Variants in THSD7B observed in about 807,000 individuals in gnomAD.
THSD7B encodes the protein thrombospondin type-1 domain-containing protein 7B.
Under a neutral mutation model 213.6 loss-of-function variants are expected in THSD7B, and 138 were observed. The observed-to-expected ratio is 0.65, with a 90% confidence interval of 0.56 to 0.74. The LOEUF is 0.74. Ranked by LOEUF, THSD7B falls within the 30% of genes least tolerant of loss-of-function variation. The pLI is 0.00. For synonymous variants in THSD7B, 742 were observed against 687.0 expected (o/e 1.08, Z -1.25); for missense variants, 1,931 against 1,991.5 (o/e 0.97, Z 0.58).
intron 14 of THSD7B, among the ~76,000 whole-genome samples, chr2:137,439,356 A>G (rs1687353623): frequency 6.6e-6 from 1 of 152,006 alleles, no homozygotes; most frequent in Non-Finnish European, 1.5e-5. Context: ...GTCTCTTGAG[A>G]CTTCTATTAG....
intron 2 of THSD7B, among the ~76,000 whole-genome samples, chr2:137,046,581 T>G (rs756822945): frequency 3.3e-5 from 5 of 151,792 alleles, no homozygotes; most frequent in Non-Finnish European, 7.4e-5. Context: ...AATACAAAAA[T>G]TAGCTGGGCA....
intron 15 of THSD7B, among the ~76,000 whole-genome samples, chr2:137,515,899 T>C: frequency 6.6e-6 from 1 of 152,160 alleles, no homozygotes; most frequent in East Asian, 1.9e-4. Flanking sequence ...GTCCAGAAGA[T>C]ATATCCTTGA....
chr2:137,405,516 G>C (rs1165103731), intron 12 of THSD7B, 97 bp from the exon 13 acceptor site: 2 of 1,224,994 alleles, frequency 1.6e-6, no homozygotes, highest in Admixed American at 2.9e-5. Flanking sequence ...TGAAGCCCAA[G>C]TTTTTAAACA....
chr2:137,288,309 G>A (rs375359490), intron 12 of THSD7B, among the ~76,000 whole-genome samples: 1 of 151,980 alleles, frequency 6.6e-6, no homozygotes, highest in Admixed American at 6.6e-5. Context: ...AAATTTACAT[G>A]GTGAGAAAAA....
chr2:137,670,843 C>T (rs890010389), intron 27 of THSD7B, among the ~76,000 whole-genome samples: 4 of 146,054 alleles, frequency 2.7e-5, no homozygotes, highest in Non-Finnish European at 5.9e-5. Flanking sequence ...ATGGTGTGAA[C>T]CCGGGAGGCG....
At chr2:137,508,780 A>AACTT (rs1402766216) in intron 15 of THSD7B, among the ~76,000 whole-genome samples, 1 of 151,992 alleles carries the variant, frequency 6.6e-6, no homozygotes, top group African/African-American at 2.4e-5. Context: ...TTCTCAGGGA[A>AACTT]ACTTATGGGT....
intron 20 of THSD7B, among the ~76,000 whole-genome samples, chr2:137,631,020 A>G (rs1286037686): frequency 2.0e-5 from 3 of 152,220 alleles, no homozygotes; most frequent in African/African-American, 7.2e-5. Flanking sequence ...CCACAGAACT[A>G]CAACGATCTG....
At chr2:136,861,157 G>T (rs1256376411) in intron 1 of THSD7B, among the ~76,000 whole-genome samples, 1 of 152,228 alleles carries the variant, frequency 6.6e-6, no homozygotes, top group Non-Finnish European at 1.5e-5. Flanking sequence ...GCATGAGTGA[G>T]ATTTGCTGAA....
chr2:137,132,301 A>G (rs1473006425), intron 5 of THSD7B, among the ~76,000 whole-genome samples: 1 of 151,434 alleles, frequency 6.6e-6, no homozygotes, highest in Non-Finnish European at 1.5e-5. Flanking sequence ...GGGGTTTTCT[A>G]GATATACAAT....
At chr2:136,999,133 T>C (rs1166364112) in intron 2 of THSD7B, among the ~76,000 whole-genome samples, 1 of 152,180 alleles carries the variant, frequency 6.6e-6, no homozygotes, top group Non-Finnish European at 1.5e-5. Flanking sequence ...TCTCAACAAT[T>C]TTTTGAGAGA....
chr2:137,656,573 A>G (rs998995491), intron 22 of THSD7B, among the ~76,000 whole-genome samples: 2 of 152,238 alleles, frequency 1.3e-5, no homozygotes, highest in African/African-American at 4.8e-5. Flanking sequence ...AAGCAAAGTA[A>G]TAACAATCTA....
intron 12 of THSD7B, among the ~76,000 whole-genome samples, chr2:137,399,197 T>C (rs1430251993): frequency 1.6e-5 from 1 of 61,580 alleles, no homozygotes; most frequent in African/African-American, 3.4e-5. Flanking sequence ...CCCCACCCCT[T>C]TTTTTTTTTT....
chr2:137,479,782 G>A (rs1688264534), intron 15 of THSD7B, among the ~76,000 whole-genome samples: 1 of 152,196 alleles, frequency 6.6e-6, no homozygotes, highest in Admixed American at 6.5e-5. Context: ...CTGGCAGTAT[G>A]TAGTAGTCTG....
intron 2 of THSD7B, among the ~76,000 whole-genome samples, chr2:136,927,751 G>A (rs1199789056): frequency 2.6e-5 from 4 of 152,136 alleles, no homozygotes; most frequent in African/African-American, 9.7e-5. Context: ...ACATTGATAG[G>A]GCACAGCTAG....
chr2:137,132,241 A>C (rs574462429), intron 5 of THSD7B, among the ~76,000 whole-genome samples: 61 of 151,178 alleles, frequency 4.0e-4, no homozygotes, highest in African/African-American at 1.4e-3. Context: ...GTTTCCTGAG[A>C]CTTTGCTGAA....
At chr2:136,903,922 T>TGA (rs1212113098) in intron 2 of THSD7B, among the ~76,000 whole-genome samples, 1 of 132,908 alleles carries the variant, frequency 7.5e-6, no homozygotes, top group Non-Finnish European at 1.7e-5. Context: ...AGTCTTCCTG[T>TGA]GAGGTGTGTG....
intron 2 of THSD7B, among the ~76,000 whole-genome samples, chr2:137,006,399 AATAC>A (rs60604756): frequency 0.2 from 30,417 of 149,328 alleles, 3,511 homozygotes; most frequent in East Asian, 0.32. Context: ...CGTCTCAAGA[AATAC>A]ATACATACAT....
chr2:136,865,259 T>C (rs1683315951), intron 1 of THSD7B, among the ~76,000 whole-genome samples: 1 of 152,218 alleles, frequency 6.6e-6, no homozygotes, highest in Admixed American at 6.5e-5. Context: ...TGGAGAGGGC[T>C]GGACATGTTT....
At chr2:136,878,546 T>C (rs1459445756) in intron 1 of THSD7B, among the ~76,000 whole-genome samples, 1 of 152,042 alleles carries the variant, frequency 6.6e-6, no homozygotes, top group Non-Finnish European at 1.5e-5. Flanking sequence ...AGTGTAAAAG[T>C]GTTCCTATTT....
Sources: allele counts gnomAD v4.1 joint callset (sites outside exome capture counted in the v4.1 genomes callset), GRCh38; gene constraint gnomAD v4.1.1; transcripts MANE v1.5; gene names NCBI Gene and HGNC (gene_info 2026-07-23, HGNC 2026-07-21).